The following MEGF6 variants were observed in gnomAD, a reference collection of about 807,000 sequenced individuals.
MEGF6 encodes the protein multiple EGF like domains 6, also known as multiple epidermal growth factor-like domains protein 6.
A neutral mutation model predicts 207.1 loss-of-function variants in MEGF6; 184 were observed. The observed-to-expected ratio is 0.89, with a 90% CI of 0.79 to 1.00. The LOEUF is 1.00. Ranked by LOEUF, MEGF6 falls within the 50% of genes least tolerant of loss-of-function variation. MEGF6 has a pLI of 0.00. For missense variants in MEGF6, 2,282 were observed against 2,202.9 expected, an observed-to-expected ratio of 1.04 and a Z score of -0.72; for synonymous variants, 1,038 against 910.0, an observed-to-expected ratio of 1.14 and a Z score of -2.53.
In MEGF6 at chr1:3,505,312, C is replaced by A; in HGVS notation, c.2084G>T (p.Cys695Phe). 6.2e-7 allele frequency: 1 copy of A among 1,611,878 alleles called. No homozygotes were observed. The highest frequency in any genetic ancestry group is 1.1e-5 in the South Asian group (1 of 91,014). ...ECELGYFGPGCWQACTCPVGV... is the reference protein window; with the variant it reads ...ECELGYFGPGFWQACTCPVGV... ...CACTGGGCAGGTGCATGCCTGCCAG[C>A]ACCCCGGCCCAAAGTAGCCCAGCTC... Residue 695 changes from cysteine to phenylalanine, a missense_variant, in exon 17 of 37, where the codon TGC becomes TTC. By Grantham distance (205) the Cys-to-Phe change is radical. Transcript: ENST00000356575.
In MEGF6 at chr1:3,495,905, C is replaced by T. The variant is rs199859612; in HGVS notation, c.3856G>A (p.Val1286Ile). 5.0e-5 allele frequency: 80 copies of T among 1,598,148 alleles called. No homozygotes were observed. The highest frequency in any genetic ancestry group is 2.0e-4 in the African/African-American group (15 of 75,008). Reference protein sequence around the residue: ...TCLCPPGRAGVRCERGCPQNR... With the variant: ...TCLCPPGRAGIRCERGCPQNR... ...GAACACTCACCTCGCTCACAGCGGA[C>T]GCCGGCTCTCCCCGGGGGGCAGAGG... The change falls in exon 30 of 37, where the codon GTC becomes ATC. Residue 1286 changes from valine (V) to isoleucine (I), a missense_variant. Physicochemically the swap from Val to Ile is conservative, Grantham distance 29 (BLOSUM62 3). Transcript: ENST00000356575.
intron 5 of MEGF6, among the ~76,000 whole-genome samples, chr1:3,521,512 GTC>G (rs1338403362): frequency 6.6e-6 from 1 of 152,162 alleles, no homozygotes; most frequent in Non-Finnish European, 1.5e-5. Flanking sequence ...CCAGGCCGGC[GTC>G]TCAGGCCCAC....
intron 5 of MEGF6, among the ~76,000 whole-genome samples, chr1:3,519,376 G>A (rs894364329): frequency 3.3e-5 from 5 of 152,246 alleles, no homozygotes. Context: ...TGGAATGAAG[G>A]AGGCCAGACG....
intron 4 of MEGF6, among the ~76,000 whole-genome samples, chr1:3,547,478 G>T (rs535963916): frequency 6.3e-4 from 96 of 152,334 alleles, no homozygotes; most frequent in African/African-American, 2.2e-3. Flanking sequence ...GCTGCCGTGT[G>T]TGTTCCGGTC....
chr1:3,517,327 C>T (rs779397234), intron 5 of MEGF6, among the ~76,000 whole-genome samples: 4 of 152,152 alleles, frequency 2.6e-5, no homozygotes, highest in Admixed American at 6.5e-5. Context: ...AGCCCTGAGA[C>T]GCACCCAGGG....
intron 4 of MEGF6, among the ~76,000 whole-genome samples, chr1:3,536,798 C>A (rs972422741): frequency 1.3e-5 from 2 of 152,230 alleles, no homozygotes; most frequent in Admixed American, 1.3e-4. Flanking sequence ...AGTGCCACCC[C>A]CAAATGTCAC....
rs1401973740 is a variant in MEGF6 at position 3,505,483 on chromosome 1, A to G, written c.1992T>C (p.Cys664=). 1.9e-6 allele frequency: 3 copies of G among 1,608,098 alleles called. No homozygotes were observed. The highest frequency in any genetic ancestry group is 2.5e-6 in the Non-Finnish European group (3 of 1,178,806). ...AGGAGCAGCTGCCATCCCTCTTGTCACAGGACTGCGTGTGGGGCTGCACAC... is the reference window on the plus strand; with the variant it reads ...AGGAGCAGCTGCCATCCCTCTTGTCGCAGGACTGCGTGTGGGGCTGCACAC... ...CQCVQPHTQS[C]DKRDGSCSCK... The change falls in exon 16 of 37, where the codon TGT becomes TGC. Residue 664 remains cysteine, a synonymous_variant. Coordinates refer to ENST00000356575, the MANE Select transcript of MEGF6 (RefSeq NM_001409.4).
chr1:3,570,282 A>C (rs1643459977), intron 4 of MEGF6, among the ~76,000 whole-genome samples: 1 of 152,214 alleles, frequency 6.6e-6, no homozygotes, highest in South Asian at 2.1e-4. Flanking sequence ...AGGCCAGTGA[A>C]GCCAAAGTCA....
intron 4 of MEGF6, among the ~76,000 whole-genome samples, chr1:3,559,542 AAAAAAG>A (rs1475564326): frequency 1.3e-5 from 2 of 150,388 alleles, no homozygotes; most frequent in Admixed American, 6.6e-5. Flanking sequence ...AAAAAAAAAA[AAAAAAG>A]AAGAAGTCTA....
At chr1:3,564,398 G>A (rs1643290101) in intron 4 of MEGF6, among the ~76,000 whole-genome samples, 1 of 152,112 alleles carries the variant, frequency 6.6e-6, no homozygotes, top group African/African-American at 2.4e-5. Flanking sequence ...TGGGGGAGCT[G>A]TGCAGAGGTC....
At chr1:3,517,690 A>C (rs1057131625) in intron 5 of MEGF6, among the ~76,000 whole-genome samples, 3 of 152,166 alleles carry the variant, frequency 2.0e-5, no homozygotes, top group Non-Finnish European at 4.4e-5. Context: ...GGCCACAGCC[A>C]AAGGCTCACA....
intron 10 of MEGF6, among the ~76,000 whole-genome samples, 188 bp from the exon 11 acceptor site, chr1:3,510,180 A>C (rs1641284293): frequency 6.6e-6 from 1 of 152,076 alleles, no homozygotes; most frequent in South Asian, 2.1e-4. Context: ...CTCCCAGCCC[A>C]GGGTCAGAGC....
chr1:3,519,221 C>T lies in MEGF6; in HGVS notation c.605-3694G>A, dbSNP rs1188590308. On this transcript the variant is annotated intron_variant, in intron 5 of 36. Transcript: ENST00000356575. The stretch of plus-strand genomic sequence containing the variant: ...CGCCCGCCTTTCTGGGTGGTCAGCT[C>T]GGCCCATGCTTGGCTGCAGTGGTCC... 2.6e-5 allele frequency among the ~76,000 whole-genome samples: 4 copies of T among 152,244 alleles called. No homozygotes were observed. The South Asian group carries it at 6.2e-4, about 24-fold the overall frequency.
the MEGF6 span, among the ~76,000 whole-genome samples, chr1:3,619,378 A>C: frequency 6.6e-6 from 1 of 152,146 alleles, no homozygotes; most frequent in Non-Finnish European, 1.5e-5. Context: ...ACATCATTAC[A>C]TGTGTCCCCC....
At chr1:3,499,034 C>A in intron 24 of MEGF6, 104 bp downstream of exon 24, 1 of 1,497,420 alleles carries the variant, frequency 6.7e-7, no homozygotes, top group East Asian at 2.4e-5. Context: ...CTAACAGCCC[C>A]TTCCTCCCTC....
intron 14 of MEGF6, among the ~76,000 whole-genome samples, chr1:3,506,678 C>T (rs1460192619): frequency 6.6e-6 from 1 of 152,192 alleles, no homozygotes; most frequent in Non-Finnish European, 1.5e-5. Context: ...CTTTCTTCCC[C>T]AAACAATTCT....
chr1:3,614,662 T>C (rs1268853087), upstream of MEGF6, among the ~76,000 whole-genome samples: 1 of 152,270 alleles, frequency 6.6e-6, no homozygotes, highest in East Asian at 1.9e-4. Context: ...GTTTTTCCTC[T>C]GCAGTTCCCT....
intron 14 of MEGF6, among the ~76,000 whole-genome samples, chr1:3,506,468 C>T (rs1569986383): frequency 1.3e-5 from 2 of 152,284 alleles, no homozygotes; most frequent in East Asian, 3.9e-4. Flanking sequence ...GCACATTCCT[C>T]GGCCCACACT....
chr1:3,503,515 A>T (rs1640985904), intron 17 of MEGF6, among the ~76,000 whole-genome samples: 1 of 151,970 alleles, frequency 6.6e-6, no homozygotes, highest in Admixed American at 6.5e-5. Flanking sequence ...TCCTCCTCTC[A>T]GGAACTGGGG....
Sources: allele counts gnomAD v4.1 joint callset (sites outside exome capture counted in the v4.1 genomes callset), GRCh38; gene constraint gnomAD v4.1.1; transcripts MANE v1.5; gene names NCBI Gene and HGNC (gene_info 2026-07-23, HGNC 2026-07-21).